TRAK1: variants seen among roughly 807,000 people sequenced by gnomAD.
TRAK1 encodes trafficking kinesin-binding protein 1.
Under a neutral mutation model 92.1 loss-of-function variants are expected in TRAK1, and 33 were observed. The observed-to-expected ratio is 0.36, with a 90% CI of 0.27 to 0.48. The LOEUF is 0.48. Ranked by LOEUF, TRAK1 falls within the 20% of genes least tolerant of loss-of-function variation. TRAK1 has a pLI of 0.99. For missense variants in TRAK1, 1,123 were observed against 1,257.9 expected, an observed-to-expected ratio of 0.89 and a Z score of 1.62; for synonymous variants, 521 against 517.3, an observed-to-expected ratio of 1.01 and a Z score of -0.10.
At chr3:42,060,226 G>A (rs6762869) in intron 1 of TRAK1, among the ~76,000 whole-genome samples, 34,010 of 151,156 alleles carry the variant, frequency 0.22, 4,215 homozygotes, top group Middle Eastern at 0.33. Context: ...ATATTGTAGT[G>A]TATCAGAAGG....
intron 14 of TRAK1, chr3:42,217,134 C>T: frequency 3.2e-6 from 1 of 313,734 alleles, no homozygotes. Context: ...TGCTCTCTTC[C>T]TGCACCCAGG....
At chr3:42,138,912 T>TGTGTGTGC (rs1698317254) in intron 2 of TRAK1, among the ~76,000 whole-genome samples, 1 of 150,386 alleles carries the variant, frequency 6.6e-6, no homozygotes, top group Non-Finnish European at 1.5e-5. Flanking sequence ...TGTGTGTGTG[T>TGTGTGTGC]GTGTGTGTGT....
At chr3:42,199,356 T>C (rs764150525) in intron 11 of TRAK1, 103 bp downstream of exon 11, 116 of 1,108,250 alleles carry the variant, frequency 1.0e-4, no homozygotes, top group Non-Finnish European at 1.5e-4. Context: ...CCGACAGTGA[T>C]TGACTATTGT....
intron 1 of TRAK1, among the ~76,000 whole-genome samples, chr3:42,016,355 C>T (rs546042663): frequency 6.6e-6 from 1 of 152,192 alleles, no homozygotes; most frequent in South Asian, 2.1e-4. Context: ...CAGGCACCTG[C>T]CACCACGCCC....
Position 42,223,657 on chromosome 3 carries a change from A to T in TRAK1, c.2782A>T (p.Met928Leu). ...RSFPTMVGSS[M>L]QMKAPVTLTS... is the part of the protein sequence containing the mutation. ...CTTCCCCACCATGGTGGGATCTAGC[A>T]TGCAGATGAAAGCTCCTGTGACTCT... The change falls in exon 16 of 16, where the codon ATG becomes TTG. Residue 928 changes from methionine (M) to leucine (L), a missense_variant. This residue lies in a region of TRAK1 where 401 missense variants were observed against 438.9 expected (regional missense o/e 0.91). Transcript: ENST00000327628. The surrounding 1 kb of genome is among the most constrained non-coding windows in gnomAD (Gnocchi z 6.1). 4 of 1,614,106 alleles carry T rather than the reference A, an allele frequency of 2.5e-6. No individual in the cohort carries two copies. Among genetic ancestry groups the T allele is most frequent in the Non-Finnish European group, 3.4e-6 (4 of 1,180,016 alleles).
rs1187757445 is a variant in TRAK1, at chr3:42,193,910, TC to T, written c.975+15del. ...AGCTCACAGCCGAGGTGAGCACCTC[TC>T]CCTCATTCCTTCAGTGCCTCTGATT... On this transcript the variant is annotated intron_variant, in intron 9 of 15. Transcript: ENST00000327628. 5.6e-6 allele frequency: 9 copies of T among 1,612,492 alleles called. No individual in the cohort carries two copies. The East Asian group carries it at 2.0e-4, about 36-fold the overall frequency.
chr3:42,204,279 T>G lies in TRAK1; in HGVS notation c.1744+1527T>G, dbSNP rs1278706963. 7 of 978,042 alleles carry G rather than the reference T, an allele frequency of 7.2e-6. No individual in the cohort carries two copies. The East Asian group carries it at 8.0e-4, about 111-fold the overall frequency. The allele number at this position is 978,042 out of a possible 1,614,324, so 60.6% of individuals were successfully genotyped here. Reference sequence around the variant, plus strand: ...GTCTTGTCTGCTTTCTATATTTGACTCTGTGTTTCATTAGATCATCTAAGA... The same window carrying G: ...GTCTTGTCTGCTTTCTATATTTGACGCTGTGTTTCATTAGATCATCTAAGA... On this transcript the variant is annotated intron_variant, in intron 13 of 15. Transcript: ENST00000327628.
chr3:42,219,624 A>C, intron 15 of TRAK1, 28 bp downstream of exon 15: 2 of 692,946 alleles, frequency 2.9e-6, no homozygotes, highest in Non-Finnish European at 5.1e-6. Flanking sequence ...TGGGGTGGGC[A>C]GGGGTGGGGT....
In TRAK1 at chr3:42,013,832, C is replaced by G. The variant is rs1402369374; in HGVS notation, c.-804C>G. 6.6e-6 allele frequency: 1 copy of G among 150,432 alleles called. No homozygotes were observed. Among genetic ancestry groups the G allele is most frequent in the Admixed American group, 6.6e-5 (1 of 15,100 alleles). The allele number at this position is 150,432 out of a possible 1,614,324, so 9.3% of individuals were successfully genotyped here. On this transcript the variant is annotated 5_prime_UTR_variant, in exon 1 of 17. Coordinates refer to the TRAK1 transcript ENST00000487159. This position sits in a 1 kb window ranked among gnomAD's most constrained non-coding sequence, Gnocchi z 5.1. The stretch of plus-strand genomic sequence containing the variant: ...GGGGCCGCGCGCGGGAGAGCCGGAG[C>G]GCAGCCTTAGCGTCCCCGAGAGTCT...
intron 9 of TRAK1, 105 bp from the exon 10 acceptor site, chr3:42,194,699 T>C (rs562281420): frequency 4.6e-5 from 64 of 1,395,754 alleles, no homozygotes; most frequent in East Asian, 1.9e-4. Flanking sequence ...CCACACGTGC[T>C]GGGGACTCTT....
chr3:42,029,002 C>G (rs1206970668), intron 1 of TRAK1, among the ~76,000 whole-genome samples: 1 of 152,152 alleles, frequency 6.6e-6, no homozygotes, highest in African/African-American at 2.4e-5. Context: ...CTGGCATCTA[C>G]TTGGCTTCTA....
chr3:42,158,787 C>CAAAAA (rs149521969), intron 2 of TRAK1, among the ~76,000 whole-genome samples: 1 of 69,544 alleles, frequency 1.4e-5, no homozygotes, highest in African/African-American at 4.6e-5. Context: ...ACAAAAAATA[C>CAAAAA]AAAAAAAAAA....
At chr3:42,187,242 G>A (rs903323022) in intron 4 of TRAK1, among the ~76,000 whole-genome samples, 17 of 152,182 alleles carry the variant, frequency 1.1e-4, no homozygotes, top group Non-Finnish European at 5.9e-5. Context: ...GAATGGGGCT[G>A]TGTGGTCATC....
intron 1 of TRAK1, among the ~76,000 whole-genome samples, chr3:42,038,201 A>G (rs536909912): frequency 6.2e-4 from 95 of 152,326 alleles, no homozygotes; most frequent in African/African-American, 1.9e-3. Context: ...GACGTCCCAG[A>G]AGTTTACAGC....
intron 3 of TRAK1, among the ~76,000 whole-genome samples, chr3:42,182,291 A>G (rs931454898): frequency 8.0e-6 from 1 of 125,100 alleles, no homozygotes; most frequent in African/African-American, 3.1e-5. Flanking sequence ...GGGGATTTGC[A>G]ACTCTCTCTT....
rs1701930799 is a variant in TRAK1 at position 42,026,632 on chromosome 3, C to T, written c.-519+12515C>T. On this transcript the variant is annotated intron_variant, in intron 1 of 16. Coordinates refer to the TRAK1 transcript ENST00000487159. ...CTCTGCCTCCCAGGTTCAAGTGATT[C>T]TCCTGCCTCAGCCTCCCGAGTAGCT... is the stretch of plus-strand genomic sequence containing the variant. Among the ~76,000 whole-genome samples the T allele has an allele frequency of 1.3e-5, 2 of 151,290 alleles. 1 individual carries two copies. The highest frequency in any genetic ancestry group is 4.2e-4 in the South Asian group (2 of 4,802).
At chr3:42,078,082 C>A (rs141664096) in intron 1 of TRAK1, among the ~76,000 whole-genome samples, 143 of 152,290 alleles carry the variant, frequency 9.4e-4, no homozygotes, top group Non-Finnish European at 1.8e-3. Flanking sequence ...TGAGGTGGGA[C>A]TAAATCCAGG....
chr3:42,178,655 G>T lies in TRAK1; in HGVS notation c.363+1765G>T, dbSNP rs564592450. On this transcript the variant is annotated intron_variant, in intron 3 of 15. Coordinates refer to ENST00000327628, the MANE Select transcript of TRAK1 (RefSeq NM_001042646.3). The stretch of plus-strand genomic sequence containing the variant: ...AGGCGGGATCTCCTTATATTGCCCA[G>T]GCTGATATTAAACTCTGAGGCTCAA... Among the ~76,000 whole-genome samples, 19 of 151,946 alleles carry T rather than the reference G, an allele frequency of 1.3e-4. No individual in the cohort carries two copies. The East Asian group carries it at 3.7e-3, about 29-fold the overall frequency.
intron 1 of TRAK1, among the ~76,000 whole-genome samples, chr3:42,026,024 T>C (rs1367765802): frequency 1.3e-5 from 2 of 152,208 alleles, no homozygotes; most frequent in Non-Finnish European, 2.9e-5. Context: ...TTGTTCTTTC[T>C]TCTTTCTCCG....
Sources: gnomAD v4.1 joint callset for allele counts (sites outside exome capture counted in the v4.1 genomes callset) on GRCh38, gnomAD v4.1.1 for gene constraint, gnomAD v4.1.1 regional missense constraint, Gnocchi (gnomAD v3.1) non-coding constraint, MANE v1.5 for transcripts, NCBI Gene and HGNC (gene_info 2026-07-23, HGNC 2026-07-21) for gene names.